The following SSX1 variants were observed in gnomAD, a reference collection of about 807,000 sequenced individuals.
SSX1 encodes the protein protein SSX1.
Under a neutral mutation model 14.6 loss-of-function variants are expected in SSX1, and 58 were observed. The observed-to-expected ratio is 3.96, with a 90% CI of 3.21 to 4.93. The LOEUF (loss-of-function observed/expected upper bound fraction) is 4.93, where lower values mean the gene tolerates loss of function less well. Among genes scored for constraint, SSX1 ranks in the 30% most tolerant of loss-of-function variants. The pLI is 0.00. For missense variants in SSX1, 272 were observed against 143.1 expected (o/e 1.90, Z -4.60); for synonymous variants, 46 against 52.1 (o/e 0.88, Z 0.50).
At chrX:48,265,213 A>G (rs782612634) in intron 6 of SSX1, among the ~76,000 whole-genome samples, 1 of 112,000 alleles carries the variant, frequency 8.9e-6, no homozygotes, top group East Asian at 2.8e-4. Flanking sequence ...TTTCCTTTGC[A>G]TTATATACTA....
rs782422642 is a variant in SSX1 at position 48,258,612 on chromosome X, C to T, written c.261C>T (p.Asp87=). ...TDFQGNDFDN[D]HNRRIQVEHP... is the part of the protein sequence containing the mutation. Reference sequence around the variant, plus strand: ...TCCAGGGGAATGATTTTGATAATGACCATAACCGCAGGATTCAGGGTGAGT... The same window carrying T: ...TCCAGGGGAATGATTTTGATAATGATCATAACCGCAGGATTCAGGGTGAGT... Residue 87 remains aspartate, a synonymous_variant, in exon 4 of 8, where the codon GAC becomes GAT. Coordinates refer to ENST00000376919, the MANE Select transcript of SSX1 (RefSeq NM_005635.4). 4.2e-6 allele frequency: 5 copies of T among 1,203,404 alleles called. No individual in the cohort carries two copies. The highest frequency in any genetic ancestry group is 2.2e-5 in the Admixed American group (1 of 45,484).
Position 48,263,930 on chromosome X carries a change from G to T in SSX1, c.466+13G>T, listed in dbSNP as rs376142515. The T allele has an allele frequency of 4.8e-5, 58 of 1,206,912 alleles. No homozygotes were observed. The highest frequency in any genetic ancestry group is 6.4e-5 in the Non-Finnish European group (57 of 893,639). ...AATAAGAGATCTGGTAAGAGGAAAT[G>T]ATTTGGGAACAACTTCTCTGGCTTT... On this transcript the variant is annotated intron_variant, in intron 6 of 7. Coordinates refer to ENST00000376919, the MANE Select transcript of SSX1 (RefSeq NM_005635.4).
At chrX:48,264,279 A>G (rs1191878892) in intron 6 of SSX1, among the ~76,000 whole-genome samples, 1 of 112,272 alleles carries the variant, frequency 8.9e-6, no homozygotes, top group Non-Finnish European at 1.9e-5. Context: ...ACCTGGGATC[A>G]TATCTTACTC....
At chrX:48,256,646 A>T (rs1556934427) in intron 1 of SSX1, among the ~76,000 whole-genome samples, 3 of 109,086 alleles carry the variant, frequency 2.8e-5, no homozygotes, top group African/African-American at 1.0e-4. Context: ...AAGTGATGGC[A>T]GGCTCTTGTA....
intron 4 of SSX1, 61 bp from the exon 5 acceptor site, chrX:48,261,705 G>A: frequency 8.6e-7 from 1 of 1,159,788 alleles, no homozygotes. Flanking sequence ...TGCAACGGAA[G>A]TCTCTCCAGA....
In SSX1 at chrX:48,263,845, C is replaced by T. The variant is rs782703241; in HGVS notation, c.394C>T (p.Pro132Ser). Residue 132 changes from proline (P) to serine (S), a missense_variant, in exon 6 of 8, where the codon CCA becomes TCA. Physicochemically the swap from Pro to Ser is moderately conservative, Grantham distance 74. Coordinates refer to ENST00000376919, the MANE Select transcript of SSX1 (RefSeq NM_005635.4). ...GAAGGGAGTGTCAGAAGCATCTGGC[C>T]CACAAAACGATGGGAAACAACTGCA... ...DSKGVSEASGPQNDGKQLHPP... is the reference protein window; with the variant it reads ...DSKGVSEASGSQNDGKQLHPP... 27 of 1,211,267 alleles carry T rather than the reference C, an allele frequency of 2.2e-5. No homozygotes were observed. The highest frequency in any genetic ancestry group is 1.8e-5 in the Non-Finnish European group (16 of 895,263).
chrX:48,258,459 G>A (rs1167507729), intron 3 of SSX1, 77 bp from the exon 4 acceptor site: 2 of 747,267 alleles, frequency 2.7e-6, no homozygotes, highest in Non-Finnish European at 4.2e-6. Context: ...CTCCCAAAGT[G>A]CCGGTACTAC....
rs781959400 is a variant in SSX1 at position 48,257,745 on chromosome X, G to A, written c.70-1G>A. On this transcript the variant is annotated splice_acceptor_variant, in intron 2 of 7. Transcript: ENST00000376919. LOFTEE classifies it high-confidence loss of function. ...GACAAATTTTATTTTATTTTTTTTA[G>A]GCCTTTGATGATATTGCCACATACT... is the stretch of plus-strand genomic sequence containing the variant. 1.9e-5 allele frequency: 23 copies of A among 1,193,390 alleles called. No homozygotes were observed. The South Asian group carries it at 3.6e-4, about 19-fold the overall frequency.
chrX:48,259,003 GT>G (rs1271823732), intron 4 of SSX1, among the ~76,000 whole-genome samples: 16 of 109,792 alleles, frequency 1.5e-4, no homozygotes, highest in Non-Finnish European at 3.0e-4. Context: ...GTTTTGTTTT[GT>G]TTTTGTTTTG....
chrX:48,260,381 A>C (rs2059600019), intron 4 of SSX1, among the ~76,000 whole-genome samples: 1 of 110,723 alleles, frequency 9.0e-6, no homozygotes, highest in Admixed American at 9.7e-5. Flanking sequence ...GGTTGCAAAA[A>C]TTTCCTCCCA....
chrX:48,255,894 C>CTTT, intron 1 of SSX1, among the ~76,000 whole-genome samples: 2 of 77,495 alleles, frequency 2.6e-5, no homozygotes, highest in Middle Eastern at 8.1e-3. Context: ...CCTGCCCATG[C>CTTT]TTTTTTTTTT....
intron 5 of SSX1, among the ~76,000 whole-genome samples, chrX:48,263,504 T>G (rs1556935863): frequency 9.0e-6 from 1 of 111,463 alleles, no homozygotes; most frequent in Non-Finnish European, 1.9e-5. Context: ...AAATATTCTG[T>G]GTACTACACT....
intron 5 of SSX1, 141 bp from the exon 6 acceptor site, chrX:48,263,641 T>C (rs1157558489): frequency 3.0e-5 from 25 of 835,995 alleles, no homozygotes; most frequent in Non-Finnish European, 3.2e-5. Flanking sequence ...CTCCCAGGTT[T>C]GTCTCATTTA....
At chrX:48,261,391 C>T (rs1450862615) in intron 4 of SSX1, among the ~76,000 whole-genome samples, 4 of 112,348 alleles carry the variant, frequency 3.6e-5, no homozygotes, top group Non-Finnish European at 7.5e-5. Flanking sequence ...GCTTAATTCA[C>T]ATACCATAAG....
At chrX:48,261,844 G>A in intron 5 of SSX1, 29 bp downstream of exon 5, 2 of 1,204,799 alleles carry the variant, frequency 1.7e-6, no homozygotes, top group Non-Finnish European at 2.2e-6. Flanking sequence ...TAAAGGACCA[G>A]AGAACCTTTT....
At chrX:48,265,269 T>C (rs1236063192) in intron 6 of SSX1, among the ~76,000 whole-genome samples, 4 of 112,455 alleles carry the variant, frequency 3.6e-5, no homozygotes, top group African/African-American at 1.3e-4. Context: ...GCTTGGCTAT[T>C]TGGTGCAAGA....
At chrX:48,260,296 GTTGT>G (rs1418136418) in intron 4 of SSX1, among the ~76,000 whole-genome samples, 68 of 110,289 alleles carry the variant, frequency 6.2e-4, no homozygotes, top group African/African-American at 2.2e-3. Context: ...TTTTGATGGG[GTTGT>G]TTGTTTTTTT....
rs782663993 is a variant in SSX1, at chrX:48,264,872, T to C, written c.466+955T>C. ...GTGTAGCCACGTTCATCAGTGATCT[T>C]AGCTAGATCTTCTGGATAACTTGCT... On this transcript the variant is annotated intron_variant, in intron 6 of 7. Transcript: ENST00000376919. Among the ~76,000 whole-genome samples the C allele has an allele frequency of 1.3e-3, 148 of 112,855 alleles. 1 individual carries two copies. Among genetic ancestry groups the C allele is most frequent in the Non-Finnish European group, 8.8e-4 (47 of 53,409 alleles).
At chrX:48,264,294 C>G (rs1477782537) in intron 6 of SSX1, among the ~76,000 whole-genome samples, 2 of 112,067 alleles carry the variant, frequency 1.8e-5, no homozygotes, top group African/African-American at 6.5e-5. Flanking sequence ...TTACTCAGCT[C>G]AATGCCTGAT....
Sources: gnomAD v4.1 joint callset for allele counts (sites outside exome capture counted in the v4.1 genomes callset) on GRCh38, gnomAD v4.1.1 for gene constraint, MANE v1.5 for transcripts, NCBI Gene and HGNC (gene_info 2026-07-23, HGNC 2026-07-21) for gene names.